The following ANK1 variants were observed in gnomAD, a reference collection of about 807,000 sequenced individuals.
ANK1 encodes the protein ankyrin-1.
In ANK1, 51 loss-of-function variants were observed where a neutral mutation model predicts 210.4. The ratio of observed to expected loss-of-function variants is 0.24; its 90% CI spans 0.19 to 0.31. ANK1 has a LOEUF of 0.31. ANK1 is among the 10% of genes least tolerant of loss of function. The pLI, the probability that ANK1 is intolerant of heterozygous loss-of-function variation, is 1.00. For synonymous variants in ANK1, 967 were observed against 1,025.9 expected (o/e 0.94, Z 1.10); for missense variants, 2,051 against 2,504.4 (o/e 0.82, Z 3.86).
chr8:41,788,483 T>C (rs1332243988), intron 1 of ANK1, among the ~76,000 whole-genome samples: 2 of 152,222 alleles, frequency 1.3e-5, no homozygotes, highest in Admixed American at 6.5e-5. Flanking sequence ...CAAGGGCACC[T>C]ACACGACCAG....
intron 3 of ANK1, among the ~76,000 whole-genome samples, chr8:41,731,238 T>C (rs960325495): frequency 3.3e-5 from 5 of 152,172 alleles, no homozygotes; most frequent in Non-Finnish European, 7.3e-5. Flanking sequence ...TGAAAGAACA[T>C]GGCCTCAAAG....
At chr8:41,697,598 C>T in intron 24 of ANK1, 1 of 335,288 alleles carries the variant, frequency 3.0e-6, no homozygotes, top group Non-Finnish European at 5.9e-6. Context: ...TAACTGGGTT[C>T]ATGCGTCCGA....
At chr8:41,892,840 G>A (rs1328995610) in intron 1 of ANK1, among the ~76,000 whole-genome samples, 1 of 152,194 alleles carries the variant, frequency 6.6e-6, no homozygotes, top group East Asian at 1.9e-4. Context: ...CCTGCCGCTT[G>A]AGTCAGGTAC....
chr8:41,739,532 T>TCTTTC (rs200428863), intron 2 of ANK1, among the ~76,000 whole-genome samples: 1 of 140,342 alleles, frequency 7.1e-6, no homozygotes, highest in Non-Finnish European at 1.6e-5. Context: ...TTTTTTTTTT[T>TCTTTC]TTTTTTTGGT....
At chr8:41,819,457 A>G (rs1393899702) in intron 1 of ANK1, among the ~76,000 whole-genome samples, 1 of 152,232 alleles carries the variant, frequency 6.6e-6, no homozygotes, top group East Asian at 1.9e-4. Flanking sequence ...AAGAAAGCTA[A>G]GACCTTCATT....
intron 1 of ANK1, among the ~76,000 whole-genome samples, chr8:41,835,923 C>T (rs1431251693): frequency 2.0e-5 from 3 of 152,206 alleles, no homozygotes; most frequent in Non-Finnish European, 4.4e-5. Flanking sequence ...GCACAAGCTC[C>T]CAGAGTCTCC....
At chr8:41,717,515 C>T (rs1828025207) in intron 12 of ANK1, 89 bp downstream of exon 12, 1 of 1,229,482 alleles carries the variant, frequency 8.1e-7, no homozygotes, top group Admixed American at 2.0e-5. Flanking sequence ...TAGCTCTGTC[C>T]CCAGAGAGTA....
intron 1 of ANK1, chr8:41,840,261 C>T (rs1395213926): frequency 1.3e-5 from 2 of 152,156 alleles, no homozygotes; most frequent in Non-Finnish European, 2.9e-5. Context: ...ATCTGATTGA[C>T]ATAGCGCACT....
intron 1 of ANK1, among the ~76,000 whole-genome samples, chr8:41,823,199 T>C (rs1804779357): frequency 6.6e-6 from 1 of 152,132 alleles, no homozygotes; most frequent in African/African-American, 2.4e-5. Flanking sequence ...ATGGGAGTAT[T>C]TTCCTTCTAG....
In ANK1 at chr8:41,755,903, A is replaced by T. The variant is rs569227508; in HGVS notation, c.129+2133T>A. On this transcript the variant is annotated intron_variant, in intron 2 of 42. Coordinates refer to ENST00000289734, the MANE Select transcript of ANK1 (RefSeq NM_000037.4). ...AAAGGGGCGGGGGGCCTGGTCCTTC[A>T]TCCAGTTTGCAAATTCCAGTCAGGT... Among the ~76,000 whole-genome samples the T allele has an allele frequency of 3.7e-3, 559 of 152,282 alleles. 2 individuals are homozygous for T. The highest frequency in any genetic ancestry group is 0.012 in the African/African-American group (517 of 41,552).
chr8:41,822,797 T>C (rs935622814), intron 1 of ANK1, among the ~76,000 whole-genome samples: 1 of 152,266 alleles, frequency 6.6e-6, no homozygotes, highest in East Asian at 1.9e-4. Flanking sequence ...GGGCCGCTGG[T>C]CACATGGTCA....
At chr8:41,886,790 T>C (rs1818512153) in intron 1 of ANK1, among the ~76,000 whole-genome samples, 1 of 152,200 alleles carries the variant, frequency 6.6e-6, no homozygotes, top group South Asian at 2.1e-4. Flanking sequence ...GAAGCCTGGT[T>C]AACCAGCCTG....
chr8:41,735,611 C>G lies in ANK1; in HGVS notation c.130-1542G>C, dbSNP rs11984612. ...CTCCGCAGCCCCACCCTGCGTTCCT[C>G]GAATTCCAGCTCTCCCATTGTGTCA... On this transcript the variant is annotated intron_variant, in intron 2 of 42. Transcript: ENST00000289734. Among the ~76,000 whole-genome samples the G allele has an allele frequency of 3.2e-3, 483 of 152,230 alleles. 3 individuals are homozygous for G. Among genetic ancestry groups the G allele is most frequent in the African/African-American group, 0.011 (440 of 41,550 alleles).
intron 1 of ANK1, among the ~76,000 whole-genome samples, chr8:41,860,560 T>G (rs1813091830): frequency 6.6e-6 from 1 of 152,196 alleles, no homozygotes; most frequent in African/African-American, 2.4e-5. Flanking sequence ...AGCGGGCTAC[T>G]TAACCTCTCT....
chr8:41,894,478 G>A (rs1820051486), intron 1 of ANK1, among the ~76,000 whole-genome samples: 1 of 152,060 alleles, frequency 6.6e-6, no homozygotes, highest in Non-Finnish European at 1.5e-5. Flanking sequence ...TTTCACATGT[G>A]TGTATTATAC....
intron 1 of ANK1, among the ~76,000 whole-genome samples, chr8:41,777,933 T>C (rs904193650): frequency 1.3e-5 from 2 of 152,112 alleles, no homozygotes; most frequent in Admixed American, 6.5e-5. Flanking sequence ...ATTTCTGAAA[T>C]AAGATACCAA....
At position 41,655,620 on chromosome 8, in the gene ANK1, G is replaced by A. The variant is rs537479843; in HGVS notation, c.*170C>T. ...CATTCATGCCAAGAGGGGACTAGCA[G>A]GAGTCCCTTACAGAGGTCATGCCGT... On this transcript the variant is annotated 3_prime_UTR_variant, in exon 43 of 43. Transcript: ENST00000289734. The A allele has an allele frequency of 6.7e-6, 9 of 1,342,742 alleles. No individual in the cohort carries two copies. In the East Asian group the frequency reaches 1.6e-4, roughly 24 times the overall value. The allele number at this position is 1,342,742 out of a possible 1,614,324, so 83.2% of individuals were successfully genotyped here.
chr8:41,658,450 CT>C (rs1806527401), intron 42 of ANK1, among the ~76,000 whole-genome samples: 1 of 152,230 alleles, frequency 6.6e-6, no homozygotes, highest in Admixed American at 6.5e-5. Flanking sequence ...TTCATCCTCC[CT>C]TGAGGAGACT....
chr8:41,699,896 C>T (rs867473226), intron 22 of ANK1, among the ~76,000 whole-genome samples: 1 of 152,272 alleles, frequency 6.6e-6, no homozygotes, highest in African/African-American at 2.4e-5. Context: ...TTCCACTCCA[C>T]ACCAACAGAA....
Sources: allele counts gnomAD v4.1 joint callset (sites outside exome capture counted in the v4.1 genomes callset), GRCh38; gene constraint gnomAD v4.1.1; transcripts MANE v1.5; gene names NCBI Gene and HGNC (gene_info 2026-07-23, HGNC 2026-07-21).